Variants in TOP6BL observed in about 807,000 individuals in gnomAD.
TOP6BL encodes the protein type 2 DNA topoisomerase 6 subunit B-like.
chr11:66,787,475 G>T, the TOP6BL span, among the ~76,000 whole-genome samples: 11 of 150,864 alleles, frequency 7.3e-5, no homozygotes, highest in African/African-American at 2.4e-4. Flanking sequence ...GGAGGCTGAG[G>T]CAGGCGGATC....
At chr11:66,819,661 GGAGGCC>G in the TOP6BL span, among the ~76,000 whole-genome samples, 97 of 152,044 alleles carry the variant, frequency 6.4e-4, 2 homozygotes, top group East Asian at 0.018. Context: ...CAGCACTTTG[GGAGGCC>G]GAGGCGGGCG....
the TOP6BL span, among the ~76,000 whole-genome samples, chr11:66,764,770 G>A: frequency 6.6e-6 from 1 of 151,818 alleles, no homozygotes; most frequent in Non-Finnish European, 1.5e-5. Context: ...TCGAGCCTTG[G>A]GCAGCATGAT....
At chr11:66,787,973 A>T in the TOP6BL span, among the ~76,000 whole-genome samples, 1 of 152,226 alleles carries the variant, frequency 6.6e-6, no homozygotes, top group Admixed American at 6.5e-5. Flanking sequence ...CTAATCCCAT[A>T]AAGTAATTCT....
chr11:66,823,631 C>A, the TOP6BL span, among the ~76,000 whole-genome samples: 1 of 152,094 alleles, frequency 6.6e-6, no homozygotes, highest in South Asian at 2.1e-4. Flanking sequence ...ACCAGCCTGA[C>A]CAACATGGTG....
the TOP6BL span, among the ~76,000 whole-genome samples, chr11:66,809,500 A>G: frequency 6.6e-6 from 1 of 152,212 alleles, no homozygotes; most frequent in Non-Finnish European, 1.5e-5. Flanking sequence ...TGTTTTGACT[A>G]TACGTTCTTA....
At chr11:66,814,068 T>G in the TOP6BL span, 255 of 1,518,690 alleles carry the variant, frequency 1.7e-4, 2 homozygotes, top group Non-Finnish European at 1.4e-4. Flanking sequence ...GAATATTAGA[T>G]AAATGAAAGG....
chr11:66,843,328 C>T, the TOP6BL span: 5 of 1,504,180 alleles, frequency 3.3e-6, no homozygotes, highest in African/African-American at 2.8e-5. Flanking sequence ...TCACCAAGTC[C>T]TCTTCCGCGT....
the TOP6BL span, among the ~76,000 whole-genome samples, chr11:66,834,221 G>T: frequency 2.6e-5 from 4 of 152,282 alleles, no homozygotes; most frequent in East Asian, 7.7e-4. Flanking sequence ...TTCATAATTT[G>T]CCCAGAATCA....
the TOP6BL span, among the ~76,000 whole-genome samples, chr11:66,798,839 C>T: frequency 6.6e-6 from 1 of 151,978 alleles, no homozygotes; most frequent in African/African-American, 2.4e-5. Flanking sequence ...TTTGGGAGGC[C>T]GAGGTGGGTG....
At chr11:66,772,800 A>T in the TOP6BL span, among the ~76,000 whole-genome samples, 1 of 152,220 alleles carries the variant, frequency 6.6e-6, no homozygotes, top group Non-Finnish European at 1.5e-5. Context: ...ATCTATGTTC[A>T]CAAAGGATAT....
At chr11:66,761,929 A>C in the TOP6BL span, 4 of 1,429,664 alleles carry the variant, frequency 2.8e-6, no homozygotes, top group Non-Finnish European at 3.0e-6. Context: ...TGGGGAGTTG[A>C]TATCAATTCA....
chr11:66,748,370 T>C, the TOP6BL span: 2 of 1,530,064 alleles, frequency 1.3e-6, no homozygotes, highest in Middle Eastern at 3.4e-4. Flanking sequence ...TGAATTGTGC[T>C]CTTTTCAGAT....
chr11:66,767,657 A>G, the TOP6BL span, among the ~76,000 whole-genome samples: 2 of 152,314 alleles, frequency 1.3e-5, no homozygotes, highest in East Asian at 3.9e-4. Flanking sequence ...TCATAAGACT[A>G]GATAAGAATA....
chr11:66,819,775 C>T, the TOP6BL span, among the ~76,000 whole-genome samples: 5 of 151,704 alleles, frequency 3.3e-5, no homozygotes, highest in African/African-American at 7.3e-5. Flanking sequence ...TGGTGGCAGG[C>T]GCCTGTAATC....
chr11:66,777,728 A>G, the TOP6BL span, among the ~76,000 whole-genome samples: 3 of 151,960 alleles, frequency 2.0e-5, no homozygotes, highest in Non-Finnish European at 4.4e-5. Flanking sequence ...CGTCTCTACT[A>G]AAAATACAAA....
the TOP6BL span, among the ~76,000 whole-genome samples, chr11:66,799,385 CAAA>C: frequency 2.7e-5 from 3 of 112,816 alleles, no homozygotes; most frequent in African/African-American, 3.3e-5. Flanking sequence ...GACTCCATTT[CAAA>C]AAAAAAAAAA....
At chr11:66,820,001 C>T in the TOP6BL span, among the ~76,000 whole-genome samples, 4 of 152,060 alleles carry the variant, frequency 2.6e-5, no homozygotes, top group African/African-American at 9.6e-5. Flanking sequence ...ATCACTTGAG[C>T]CCCGGTGGTC....
the TOP6BL span, among the ~76,000 whole-genome samples, chr11:66,757,900 C>A: frequency 6.6e-6 from 1 of 152,190 alleles, no homozygotes; most frequent in Non-Finnish European, 1.5e-5. Context: ...AACTAAATTT[C>A]TAATTTAATT....
the TOP6BL span, among the ~76,000 whole-genome samples, chr11:66,785,239 A>T: frequency 6.6e-6 from 1 of 152,018 alleles, no homozygotes; most frequent in African/African-American, 2.4e-5. Flanking sequence ...GATTACAGGC[A>T]TGAGCCACCG....
Sources: allele counts gnomAD v4.1 joint callset (sites outside exome capture counted in the v4.1 genomes callset), GRCh38; gene constraint gnomAD v4.1.1; transcripts MANE v1.5; gene names NCBI Gene and HGNC (gene_info 2026-07-23, HGNC 2026-07-21).